Variants in PPP1R37 observed in about 807,000 individuals in gnomAD.
PPP1R37 encodes the protein protein phosphatase 1 regulatory subunit 37.
PPP1R37 carries 21 observed loss-of-function variants against 61.0 expected under a neutral mutation model. The observed-to-expected ratio is 0.34, with a 90% CI of 0.24 to 0.50. The LOEUF is 0.50. PPP1R37 is among the 20% of genes least tolerant of loss of function. The pLI is 0.98. For missense variants in PPP1R37, 910 were observed against 952.7 expected (o/e 0.96, Z 0.59); for synonymous variants, 443 against 433.5 (o/e 1.02, Z -0.27).
intron 1 of PPP1R37, among the ~76,000 whole-genome samples, chr19:45,124,195 C>T (rs995056388): frequency 3.9e-5 from 6 of 152,132 alleles, no homozygotes; most frequent in East Asian, 1.9e-4. Flanking sequence ...CCTGACCTAC[C>T]GTGGGGATCA....
intron 1 of PPP1R37, among the ~76,000 whole-genome samples, chr19:45,135,337 A>G (rs1467336081): frequency 2.0e-5 from 3 of 152,232 alleles, no homozygotes. Flanking sequence ...TGCCACAGCC[A>G]GCTCTGGGCC....
chr19:45,146,740 C>T lies in PPP1R37; in HGVS notation c.*178C>T. 4.6e-6 allele frequency: 2 copies of T among 435,926 alleles called. No homozygotes were observed. The highest frequency in any genetic ancestry group is 2.3e-5 in the South Asian group (1 of 43,742). The allele number at this position is 435,926 out of a possible 1,614,324, so 27.0% of individuals were successfully genotyped here. On this transcript the variant is annotated 3_prime_UTR_variant, in exon 13 of 13. Coordinates refer to ENST00000221462, the MANE Select transcript of PPP1R37 (RefSeq NM_019121.2). Reference sequence around the variant, plus strand: ...GGTGCAGGAGCTACAGGGAGTGGCCCTCCGCGCGTGACTCAAGCACTTCTA... The same window carrying T: ...GGTGCAGGAGCTACAGGGAGTGGCCTTCCGCGCGTGACTCAAGCACTTCTA...
chr19:45,129,173 C>T, intron 1 of PPP1R37: 5 of 351,832 alleles, frequency 1.4e-5, no homozygotes, highest in Admixed American at 3.9e-5. Context: ...TTCAATCTGT[C>T]GGGGAGCCCC....
At chr19:45,125,521 C>CCT (rs1259170490) in intron 1 of PPP1R37, among the ~76,000 whole-genome samples, 1 of 152,170 alleles carries the variant, frequency 6.6e-6, no homozygotes, top group Non-Finnish European at 1.5e-5. Context: ...AAGGCTGTTC[C>CCT]CTCCTGATGG....
intron 1 of PPP1R37, among the ~76,000 whole-genome samples, chr19:45,135,779 CTTTTTTTTT>C (rs546534256): frequency 4.7e-5 from 6 of 128,840 alleles, no homozygotes; most frequent in Non-Finnish European, 8.2e-5. Flanking sequence ...TTTGCATTTC[CTTTTTTTTT>C]TTTTTTTTTT....
intron 1 of PPP1R37, among the ~76,000 whole-genome samples, chr19:45,120,574 A>G (rs1039490770): frequency 2.0e-5 from 3 of 152,084 alleles, no homozygotes; most frequent in African/African-American, 7.2e-5. Context: ...TCATCTTTGC[A>G]AGTATGTCTG....
In PPP1R37 at chr19:45,140,310, C is replaced by CT. The variant is rs200709655; in HGVS notation, c.346+31dup. On this transcript the variant is annotated intron_variant, in intron 3 of 12. Coordinates refer to ENST00000221462, the MANE Select transcript of PPP1R37 (RefSeq NM_019121.2). The stretch of plus-strand genomic sequence containing the variant: ...TGTGTCTGGCTAGGGGTTGAGAGCC[C>CT]TTGGGTCATGGGCAGGTCGGGGGCT... 2,365 of 1,533,328 alleles carry CT rather than the reference C, an allele frequency of 1.5e-3. 27 individuals are homozygous for CT. In the East Asian group the frequency reaches 0.024, roughly 16 times the overall value. 95.0% of individuals were successfully genotyped at this position (1,533,328 alleles called of 1,614,324 possible). A position where few individuals can be genotyped will look rare whatever the true frequency, so the allele number is the denominator to read the frequency against.
Position 45,138,653 on chromosome 19 carries a change from A to G in PPP1R37, c.300+42A>G, listed in dbSNP as rs553264783. 1.6e-4 allele frequency: 226 copies of G among 1,443,098 alleles called. 1 individual carries two copies. The African/African-American group carries it at 2.8e-3, about 18-fold the overall frequency. The allele number at this position is 1,443,098 out of a possible 1,614,324, so 89.4% of individuals were successfully genotyped here. A position where few individuals can be genotyped will look rare whatever the true frequency, so the allele number is the denominator to read the frequency against. ...GTGGGTGCGTCCGGTGTGGGTGTCA[A>G]GGGGGGCCCTAGGGTGGAACCAGCC... is the stretch of plus-strand genomic sequence containing the variant. On this transcript the variant is annotated intron_variant, in intron 2 of 12. Transcript: ENST00000221462.
intron 1 of PPP1R37, among the ~76,000 whole-genome samples, chr19:45,109,197 G>A (rs758277522): frequency 2.0e-5 from 3 of 152,204 alleles, no homozygotes; most frequent in Admixed American, 6.5e-5. Flanking sequence ...TTATTGTGCA[G>A]ATATATTTGT....
intron 1 of PPP1R37, among the ~76,000 whole-genome samples, chr19:45,134,020 C>T (rs771083702): frequency 1.9e-4 from 29 of 152,350 alleles, no homozygotes; most frequent in Non-Finnish European, 3.4e-4. Context: ...AACTGTTTCA[C>T]GCTGCCATTT....
intron 1 of PPP1R37, among the ~76,000 whole-genome samples, chr19:45,114,777 C>G (rs1339236667): frequency 2.0e-5 from 3 of 151,968 alleles, no homozygotes; most frequent in South Asian, 4.2e-4. Context: ...GAGACCCCCC[C>G]CCCCATCTCC....
At chr19:45,101,999 C>T (rs748732363) in intron 1 of PPP1R37, among the ~76,000 whole-genome samples, 1 of 152,234 alleles carries the variant, frequency 6.6e-6, no homozygotes, top group Non-Finnish European at 1.5e-5. Flanking sequence ...CCCTTCTCTC[C>T]TTGGATCTGA....
chr19:45,113,739 G>A (rs760471564), intron 1 of PPP1R37, among the ~76,000 whole-genome samples: 6 of 152,188 alleles, frequency 3.9e-5, no homozygotes, highest in African/African-American at 7.2e-5. Flanking sequence ...CCTCCACTCC[G>A]TGAGCTCACT....
chr19:45,143,443 G>T (rs779273292), intron 7 of PPP1R37, 78 bp from the exon 8 acceptor site: 148 of 809,326 alleles, frequency 1.8e-4, no homozygotes, highest in Non-Finnish European at 1.6e-4. Context: ...AAGCAGAGGG[G>T]GTTGCTCCTA....
chr19:45,138,280 C>T (rs1312521783), intron 1 of PPP1R37, among the ~76,000 whole-genome samples: 6 of 152,064 alleles, frequency 3.9e-5, no homozygotes, highest in African/African-American at 9.7e-5. Flanking sequence ...GTGCTTGGAG[C>T]GGAGGTGAGG....
chr19:45,146,386 A>G lies in PPP1R37; in HGVS notation c.1994-4A>G, dbSNP rs1372488510. The stretch of plus-strand genomic sequence containing the variant: ...CGGGGGTGCTGGCCCGTCCTCCCAC[A>G]CAGAACTGAGCTGCTCCAAGAACGA... On this transcript the variant is annotated splice_polypyrimidine_tract_variant and splice_region_variant and intron_variant, in intron 11 of 12. Coordinates refer to ENST00000221462, the MANE Select transcript of PPP1R37 (RefSeq NM_019121.2). 5 of 1,535,414 alleles carry G rather than the reference A, an allele frequency of 3.3e-6. No individual in the cohort carries two copies. Among genetic ancestry groups the G allele is most frequent in the African/African-American group, 1.4e-5 (1 of 72,994 alleles).
At chr19:45,128,435 G>A (rs1380623923) in intron 1 of PPP1R37, 4 of 522,190 alleles carry the variant, frequency 7.7e-6, no homozygotes, top group Admixed American at 6.6e-5. Flanking sequence ...GCCTGCAGCT[G>A]TGTGTGTTTA....
At chr19:45,131,036 C>T (rs1051735967) in intron 1 of PPP1R37, among the ~76,000 whole-genome samples, 1 of 152,204 alleles carries the variant, frequency 6.6e-6, no homozygotes, top group African/African-American at 2.4e-5. Context: ...GAGTCATCAC[C>T]GCCCCCTGAT....
intron 1 of PPP1R37, among the ~76,000 whole-genome samples, chr19:45,103,691 T>C (rs1968092806): frequency 6.6e-6 from 1 of 152,160 alleles, no homozygotes; most frequent in African/African-American, 2.4e-5. Flanking sequence ...AGTGACTCTC[T>C]GCAGGGGTCA....
Sources: allele counts gnomAD v4.1 joint callset (sites outside exome capture counted in the v4.1 genomes callset), GRCh38; gene constraint gnomAD v4.1.1; transcripts MANE v1.5; gene names NCBI Gene and HGNC (gene_info 2026-07-23, HGNC 2026-07-21).